Variants in PPP1R7 observed in about 807,000 individuals in gnomAD.
PPP1R7 encodes the protein protein phosphatase 1 regulatory subunit 22.
A neutral mutation model predicts 45.2 loss-of-function variants in PPP1R7; 18 were observed. That is an observed-to-expected ratio of 0.40 (90% confidence interval 0.28 to 0.59). The LOEUF (loss-of-function observed/expected upper bound fraction) is 0.59. PPP1R7 is among the 20% of genes least tolerant of loss of function. PPP1R7 has a pLI of 0.46. For missense variants in PPP1R7, 314 were observed against 455.8 expected (o/e 0.69, Z 2.83); for synonymous variants, 181 against 183.4 (o/e 0.99, Z 0.11).
upstream of PPP1R7, chr2:241,149,607 C>G (rs1321750017): frequency 6.6e-7 from 1 of 1,525,526 alleles, no homozygotes; most frequent in East Asian, 2.4e-5. Context: ...TAGGGACGCA[C>G]CAAACACCCC....
intron 5 of PPP1R7, among the ~76,000 whole-genome samples, 153 bp downstream of exon 5, chr2:241,159,496 G>A (rs991759720): frequency 1.8e-4 from 28 of 152,152 alleles, no homozygotes; most frequent in Admixed American, 3.3e-4. Flanking sequence ...CCAAGTCTCT[G>A]CCTCCTGTTT....
At chr2:241,150,690 C>CG in intron 1 of PPP1R7, 143 bp downstream of exon 1, 10 of 1,239,416 alleles carry the variant, frequency 8.1e-6, no homozygotes, top group Non-Finnish European at 9.3e-6. Flanking sequence ...CAGCCGGACC[C>CG]GGGGGAGCGG....
chr2:241,155,493 T>C (rs2067433850), intron 2 of PPP1R7, among the ~76,000 whole-genome samples: 1 of 152,258 alleles, frequency 6.6e-6, no homozygotes, highest in African/African-American at 2.4e-5. Flanking sequence ...TTAAATTCAA[T>C]TAAAACAAAT....
At chr2:241,149,661 C>A (rs768594227), upstream of PPP1R7, 5 of 1,544,100 alleles carry the variant, frequency 3.2e-6, no homozygotes, top group Middle Eastern at 1.7e-4. Flanking sequence ...GCGCCTCCGC[C>A]CCCGGGCCGG....
intron 6 of PPP1R7, among the ~76,000 whole-genome samples, chr2:241,162,254 T>G (rs2067609875): frequency 6.6e-6 from 1 of 152,166 alleles, no homozygotes; most frequent in African/African-American, 2.4e-5. Flanking sequence ...AGTCCTGCAG[T>G]GGTGTGTGGA....
chr2:241,154,224 A>G (rs2067394150), intron 2 of PPP1R7, among the ~76,000 whole-genome samples: 1 of 151,506 alleles, frequency 6.6e-6, no homozygotes. Context: ...AAAGAACCGC[A>G]ATATTGTTAT....
intron 9 of PPP1R7, among the ~76,000 whole-genome samples, chr2:241,172,495 C>T (rs2067833149): frequency 6.6e-6 from 1 of 151,930 alleles, no homozygotes; most frequent in Admixed American, 6.6e-5. Flanking sequence ...AAATGCAAAA[C>T]TTAGCTGGGC....
intron 6 of PPP1R7, among the ~76,000 whole-genome samples, chr2:241,162,586 C>T (rs1025250824): frequency 1.3e-5 from 2 of 152,014 alleles, no homozygotes; most frequent in African/African-American, 2.4e-5. Context: ...GTGTGAGGGC[C>T]CCCCAGGAAT....
At chr2:241,168,325 G>A (rs2067755689) in intron 8 of PPP1R7, among the ~76,000 whole-genome samples, 1 of 152,116 alleles carries the variant, frequency 6.6e-6, no homozygotes, top group Admixed American at 6.6e-5. Context: ...CTTGGTGCTT[G>A]GACCTCACGA....
At chr2:241,150,904 G>T (rs1005094445) in intron 1 of PPP1R7, among the ~76,000 whole-genome samples, 3 of 152,154 alleles carry the variant, frequency 2.0e-5, no homozygotes, top group African/African-American at 7.2e-5. Flanking sequence ...AGCTGACGAG[G>T]AAACTGAGGC....
chr2:241,166,205 T>G, intron 7 of PPP1R7, 132 bp from the exon 8 acceptor site: 2 of 745,370 alleles, frequency 2.7e-6, no homozygotes, highest in Non-Finnish European at 4.3e-6. Context: ...CCCGGCCCCA[T>G]TCTAGCATGT....
chr2:241,176,460 CT>C (rs71404687), intron 9 of PPP1R7, among the ~76,000 whole-genome samples: 1,530 of 142,812 alleles, frequency 0.011, 21 homozygotes, highest in East Asian at 0.022. Flanking sequence ...TTTTTTCTTT[CT>C]TTTTTTTTTT....
At chr2:241,177,443 C>G (rs2149071006) in intron 9 of PPP1R7, among the ~76,000 whole-genome samples, 2 of 152,028 alleles carry the variant, frequency 1.3e-5, no homozygotes, top group Middle Eastern at 3.4e-3. Context: ...AGAGAGCTTC[C>G]TAACCAAGAT....
chr2:241,156,426 T>G (rs2067458422), intron 2 of PPP1R7, among the ~76,000 whole-genome samples: 1 of 152,234 alleles, frequency 6.6e-6, no homozygotes, highest in African/African-American at 2.4e-5. Context: ...ATCCTGGCAC[T>G]TTGGGAGGCC....
upstream of PPP1R7, chr2:241,149,576 G>C: frequency 7.1e-7 from 1 of 1,410,808 alleles, no homozygotes; most frequent in Non-Finnish European, 9.6e-7. Flanking sequence ...CCAGAGTCTA[G>C]AAGCCCGCGC....
At chr2:241,159,948 A>G (rs1235995940) in intron 5 of PPP1R7, among the ~76,000 whole-genome samples, 1 of 152,128 alleles carries the variant, frequency 6.6e-6, no homozygotes, top group Admixed American at 6.6e-5. Context: ...TCGCTCATTC[A>G]TTTTTGCTTG....
At chr2:241,178,156 G>A (rs1315822509) in intron 9 of PPP1R7, among the ~76,000 whole-genome samples, 2 of 152,228 alleles carry the variant, frequency 1.3e-5, no homozygotes, top group Non-Finnish European at 2.9e-5. Flanking sequence ...CTCGAGGAGA[G>A]GCTGTGTGCC....
chr2:241,174,706 G>A (rs1251368679), intron 9 of PPP1R7, among the ~76,000 whole-genome samples: 3 of 146,058 alleles, frequency 2.1e-5, no homozygotes, highest in African/African-American at 7.6e-5. Context: ...ATAGAGTCTT[G>A]CTCTGTCGCC....
chr2:241,160,195 C>T, intron 5 of PPP1R7, 137 bp from the exon 6 acceptor site: 1 of 665,426 alleles, frequency 1.5e-6, no homozygotes, highest in Non-Finnish European at 2.5e-6. Context: ...GGGGCACAGT[C>T]AGAACCCCCC....
Sources: gnomAD v4.1 joint callset for allele counts (sites outside exome capture counted in the v4.1 genomes callset) on GRCh38, gnomAD v4.1.1 for gene constraint, MANE v1.5 for transcripts, NCBI Gene and HGNC (gene_info 2026-07-23, HGNC 2026-07-21) for gene names.